Variants in FGF14 observed in about 807,000 individuals in gnomAD.
FGF14 encodes the protein fibroblast growth factor homologous factor 4.
FGF14 carries 5 observed loss-of-function variants against 25.5 expected under a neutral mutation model. That is an observed-to-expected ratio of 0.20 (90% CI 0.10 to 0.41). The LOEUF (loss-of-function observed/expected upper bound fraction) is 0.41, where lower values mean the gene tolerates loss of function less well. Ranked by LOEUF, FGF14 falls within the 10% of genes least tolerant of loss-of-function variation. The pLI, the probability that FGF14 is intolerant of heterozygous loss-of-function variation, is 1.00. For missense variants in FGF14, 222 were observed against 320.1 expected (o/e 0.69, Z 2.34); for synonymous variants, 138 against 118.3 (o/e 1.17, Z -1.08).
At chr13:101,815,622 T>C (rs2041803113) in intron 3 of FGF14, among the ~76,000 whole-genome samples, 1 of 152,068 alleles carries the variant, frequency 6.6e-6, no homozygotes, top group South Asian at 2.1e-4. Flanking sequence ...TCACCAGCAC[T>C]AGTGGTGACT....
chr13:101,816,991 A>G (rs1291083783), intron 3 of FGF14, among the ~76,000 whole-genome samples: 1 of 152,198 alleles, frequency 6.6e-6, no homozygotes, highest in African/African-American at 2.4e-5. Context: ...GCTAAGTAAA[A>G]TAATTTTTTC....
At chr13:102,242,153 G>C (rs1218365979) in intron 1 of FGF14, among the ~76,000 whole-genome samples, 2 of 152,058 alleles carry the variant, frequency 1.3e-5, no homozygotes, top group African/African-American at 4.8e-5. Flanking sequence ...TTTGTAAACT[G>C]TATGAATAAG....
chr13:101,860,735 C>G (rs941935301), intron 3 of FGF14, among the ~76,000 whole-genome samples: 7 of 152,062 alleles, frequency 4.6e-5, no homozygotes, highest in Non-Finnish European at 1.0e-4. Context: ...AGCCACTGTG[C>G]CTAGCCCTCA....
chr13:101,781,775 A>C (rs562130113), intron 3 of FGF14, among the ~76,000 whole-genome samples: 1 of 152,344 alleles, frequency 6.6e-6, no homozygotes, highest in Non-Finnish European at 1.5e-5. Flanking sequence ...AAAGAAGCTT[A>C]GAGAGTTTAC....
chr13:101,811,469 T>TAAAAA (rs2041506190), intron 3 of FGF14, among the ~76,000 whole-genome samples: 1 of 152,242 alleles, frequency 6.6e-6, no homozygotes, highest in Non-Finnish European at 1.5e-5. Context: ...TGCTGAATAA[T>TAAAAA]ACCCCATTGT....
At position 101,916,586 on chromosome 13, in the gene FGF14, G is replaced by T; in HGVS notation, c.60C>A (p.His20Gln). The T allele has an allele frequency of 6.2e-7, 1 of 1,602,420 alleles. No individual in the cohort carries two copies. Among genetic ancestry groups the T allele is most frequent in the Non-Finnish European group, 8.5e-7 (1 of 1,174,860 alleles). Residue 20 changes from histidine (H) to glutamine (Q), a missense_variant, in exon 1 of 5, where the codon CAC (histidine) becomes CAA (glutamine). Transcript: ENST00000376143. ...TCCTGCTGGCAGACGGCCGGTCCCA[G>T]TGCTGCTCCCGCGCCTGCCGCTTCT... ...IRQKRQAREQ[H>Q]WDRPSASRRR...
chr13:101,725,760 T>A (rs1292284551), intron 4 of FGF14, among the ~76,000 whole-genome samples: 1 of 151,910 alleles, frequency 6.6e-6, no homozygotes, highest in Non-Finnish European at 1.5e-5. Flanking sequence ...TGCAAAAGAG[T>A]AAACAAAAGA....
chr13:102,402,092 A>C (rs2058713287), upstream of FGF14: 1 of 189,106 alleles, frequency 5.3e-6, no homozygotes, highest in Admixed American at 5.4e-5. Context: ...AAGAAAAAAA[A>C]AGAAAAAAAA....
At chr13:101,885,277 C>T (rs556804597) in intron 1 of FGF14, among the ~76,000 whole-genome samples, 6 of 151,960 alleles carry the variant, frequency 3.9e-5, no homozygotes, top group Non-Finnish European at 5.9e-5. Flanking sequence ...CTCTATTTCA[C>T]AAATATAGTT....
chr13:101,774,427 G>A (rs1001775329), intron 3 of FGF14, among the ~76,000 whole-genome samples: 3 of 152,112 alleles, frequency 2.0e-5, no homozygotes, highest in African/African-American at 7.2e-5. Context: ...TGCTAGAGGC[G>A]GACAGGGATA....
chr13:102,315,801 G>A (rs537555019), intron 1 of FGF14, among the ~76,000 whole-genome samples: 10 of 152,104 alleles, frequency 6.6e-5, no homozygotes, highest in Admixed American at 2.0e-4. Flanking sequence ...GCAAGGCAGT[G>A]AGCCTAACAC....
intron 1 of FGF14, among the ~76,000 whole-genome samples, chr13:101,973,258 G>A (rs535859373): frequency 2.0e-5 from 3 of 152,022 alleles, no homozygotes; most frequent in African/African-American, 2.4e-5. Context: ...TCCAGAGGTC[G>A]TAGTCATGGA....
At chr13:102,016,473 A>T (rs16959611) in intron 1 of FGF14, among the ~76,000 whole-genome samples, 1 of 152,132 alleles carries the variant, frequency 6.6e-6, no homozygotes, top group African/African-American at 2.4e-5. Context: ...TTTATTGTTG[A>T]ACCAGAATTA....
chr13:101,852,217 A>G (rs1287691553), intron 3 of FGF14, among the ~76,000 whole-genome samples: 4 of 152,066 alleles, frequency 2.6e-5, no homozygotes, highest in Admixed American at 2.6e-4. Flanking sequence ...ACCGAAACAC[A>G]TGAGTGTTCA....
At chr13:101,974,819 A>G (rs1202717203) in intron 1 of FGF14, among the ~76,000 whole-genome samples, 1 of 152,184 alleles carries the variant, frequency 6.6e-6, no homozygotes, top group Non-Finnish European at 1.5e-5. Flanking sequence ...ATAATGTACC[A>G]CACAGATATC....
chr13:101,964,399 C>A (rs1167903993), intron 1 of FGF14, among the ~76,000 whole-genome samples: 1 of 152,182 alleles, frequency 6.6e-6, no homozygotes, highest in African/African-American at 2.4e-5. Flanking sequence ...ACTTGCCAAA[C>A]AGGATTTCTG....
At chr13:102,234,789 G>A (rs2051256208) in intron 1 of FGF14, among the ~76,000 whole-genome samples, 1 of 152,118 alleles carries the variant, frequency 6.6e-6, no homozygotes, top group East Asian at 1.9e-4. Flanking sequence ...ATACACGTTT[G>A]TCATCTCCCC....
At chr13:102,023,831 A>G (rs1261854434) in intron 1 of FGF14, among the ~76,000 whole-genome samples, 2 of 152,048 alleles carry the variant, frequency 1.3e-5, no homozygotes, top group Admixed American at 1.3e-4. Flanking sequence ...TCATTGAAAT[A>G]ATGCACAAGA....
intron 1 of FGF14, among the ~76,000 whole-genome samples, chr13:101,924,917 C>T (rs911863837): frequency 1.1e-4 from 16 of 152,106 alleles, no homozygotes; most frequent in African/African-American, 3.6e-4. Flanking sequence ...CAAGGACTTC[C>T]AGAAGCTCCA....
Sources: allele counts gnomAD v4.1 joint callset (sites outside exome capture counted in the v4.1 genomes callset), GRCh38; gene constraint gnomAD v4.1.1; transcripts MANE v1.5; gene names NCBI Gene and HGNC (gene_info 2026-07-23, HGNC 2026-07-21).